AFF1: variants seen among roughly 807,000 people sequenced by gnomAD.
AFF1 encodes the protein AF4/FMR2 family member 1.
A neutral mutation model predicts 121.7 loss-of-function variants in AFF1; 48 were observed. That is an observed-to-expected ratio of 0.39 (90% CI 0.31 to 0.50). AFF1 has a LOEUF of 0.50. Ranked by LOEUF, AFF1 falls within the 20% of genes least tolerant of loss-of-function variation. The pLI is 0.76. For synonymous variants in AFF1, 613 were observed against 563.0 expected (o/e 1.09, Z -1.26); for missense variants, 1,523 against 1,511.7 (o/e 1.01, Z -0.12).
chr4:86,945,319 CTTTTTTTTTT>C (rs72025655), intron 1 of AFF1, among the ~76,000 whole-genome samples: 12 of 111,688 alleles, frequency 1.1e-4, no homozygotes, highest in Admixed American at 1.9e-4. Flanking sequence ...TTTTCTTTTC[CTTTTTTTTTT>C]TTTTTTTTTT....
chr4:87,055,329 G>A (rs1364477145), intron 4 of AFF1, among the ~76,000 whole-genome samples: 2 of 152,140 alleles, frequency 1.3e-5, no homozygotes, highest in East Asian at 3.8e-4. Flanking sequence ...TAGCCCAAGA[G>A]GAAAGCATAA....
intron 8 of AFF1, among the ~76,000 whole-genome samples, chr4:87,102,893 T>C (rs574659534): frequency 2.0e-5 from 3 of 152,330 alleles, no homozygotes; most frequent in East Asian, 1.9e-4. Context: ...CAACGACTGA[T>C]TCTTCACATA....
chr4:86,965,808 G>A (rs1288909624), intron 2 of AFF1, among the ~76,000 whole-genome samples: 5 of 152,024 alleles, frequency 3.3e-5, no homozygotes, highest in African/African-American at 9.7e-5. Context: ...TTGCACCCCT[G>A]TCCCTCACAC....
chr4:86,979,640 T>C (rs140909632), intron 2 of AFF1, among the ~76,000 whole-genome samples: 76 of 152,342 alleles, frequency 5.0e-4, no homozygotes, highest in Non-Finnish European at 1.0e-3. Context: ...GCTCCTTTAA[T>C]ATGAAAAGAT....
intron 17 of AFF1, 28 bp from the exon 18 acceptor site, chr4:87,131,765 C>T: frequency 1.3e-6 from 2 of 1,535,184 alleles, no homozygotes; most frequent in Non-Finnish European, 1.8e-6. Flanking sequence ...TTGTTTAAAA[C>T]CTGATGTACT....
chr4:86,941,390 G>T (rs988417619), intron 1 of AFF1, among the ~76,000 whole-genome samples: 2 of 151,982 alleles, frequency 1.3e-5, no homozygotes, highest in South Asian at 4.2e-4. Context: ...GGCCGCAGTG[G>T]GTCACGCCTG....
intron 2 of AFF1, among the ~76,000 whole-genome samples, chr4:87,026,676 A>G (rs1005094430): frequency 1.3e-5 from 2 of 152,208 alleles, no homozygotes; most frequent in African/African-American, 4.8e-5. Context: ...GTTCCTCAGC[A>G]TGTCTGCAGG....
rs538782702 is a variant in AFF1, at chr4:87,041,719, A to G, written c.39-4447A>G. On this transcript the variant is annotated intron_variant, in intron 2 of 20. Transcript: ENST00000395146. Reference sequence around the variant, plus strand: ...TGACAGTTAACTTATAGTTATTGAAAGGTGATTATTGACAGCTGGGCGTGG... The same window carrying G: ...TGACAGTTAACTTATAGTTATTGAAGGGTGATTATTGACAGCTGGGCGTGG... 3.9e-5 allele frequency among the ~76,000 whole-genome samples: 6 copies of G among 152,188 alleles called. No homozygotes were observed. In the South Asian group the frequency reaches 1.2e-3, roughly 32 times the overall value.
intron 2 of AFF1, among the ~76,000 whole-genome samples, chr4:86,969,904 A>G (rs1486651655): frequency 6.8e-6 from 1 of 146,732 alleles, no homozygotes; most frequent in East Asian, 2.0e-4. Flanking sequence ...AAAAGGTAAG[A>G]TAGTTTATAT....
chr4:86,967,641 AT>A (rs752610488), intron 2 of AFF1, among the ~76,000 whole-genome samples: 262 of 145,520 alleles, frequency 1.8e-3, no homozygotes, highest in Non-Finnish European at 1.5e-3. Context: ...GCTCTGGATG[AT>A]TTTTTTTTTT....
chr4:86,963,822 TCTCA>T lies in AFF1; in HGVS notation c.38+15255_38+15258del, dbSNP rs1487832904. Reference sequence around the variant, plus strand: ...TTTCTTTTTTTTTTTTGAGACAGTGTCTCACTCTGTTGTCCAGGCTGGAGTGCAG... The same window carrying T: ...TTTCTTTTTTTTTTTTGAGACAGTGTCTCTGTTGTCCAGGCTGGAGTGCAG... On this transcript the variant is annotated intron_variant, in intron 2 of 20. Coordinates refer to ENST00000395146, the MANE Select transcript of AFF1 (RefSeq NM_001166693.3). Among the ~76,000 whole-genome samples, 13 of 151,860 alleles carry T rather than the reference TCTCA, an allele frequency of 8.6e-5. No homozygotes were observed. The East Asian group carries it at 2.5e-3, about 29-fold the overall frequency.
At chr4:87,068,166 C>T (rs1158069509) in intron 4 of AFF1, among the ~76,000 whole-genome samples, 2 of 5,144 alleles carry the variant, frequency 3.9e-4, no homozygotes, top group Non-Finnish European at 7.1e-4. Context: ...TTTAAAATTC[C>T]CATTGCCAGT....
At chr4:86,979,904 A>G (rs1479070813) in intron 2 of AFF1, among the ~76,000 whole-genome samples, 1 of 152,128 alleles carries the variant, frequency 6.6e-6, no homozygotes, top group African/African-American at 2.4e-5. Context: ...CTAGAAATCT[A>G]TCTCCCTAGG....
chr4:87,077,772 A>G (rs1028136719), intron 4 of AFF1, among the ~76,000 whole-genome samples: 5 of 152,178 alleles, frequency 3.3e-5, no homozygotes, highest in African/African-American at 9.7e-5. Context: ...TAAACAATGT[A>G]TCTTGGAGAT....
chr4:87,010,855 G>A (rs1463637970), intron 2 of AFF1, among the ~76,000 whole-genome samples: 7 of 152,128 alleles, frequency 4.6e-5, no homozygotes, highest in Non-Finnish European at 8.8e-5. Flanking sequence ...TTGGGAGGCC[G>A]AGGCAGGCGG....
chr4:87,076,426 A>G (rs529192244), intron 4 of AFF1, among the ~76,000 whole-genome samples: 2 of 152,322 alleles, frequency 1.3e-5, no homozygotes, highest in African/African-American at 2.4e-5. Context: ...TTTTTGCTAC[A>G]TATTAGAGCT....
chr4:87,058,841 CTG>C (rs2149646029), intron 4 of AFF1, among the ~76,000 whole-genome samples: 1 of 152,302 alleles, frequency 6.6e-6, no homozygotes, highest in African/African-American at 2.4e-5. Flanking sequence ...GCAGCCTGCT[CTG>C]TGCCTTCACG....
chr4:87,132,200 T>C, intron 18 of AFF1, 71 bp from the exon 19 acceptor site: 2 of 1,559,582 alleles, frequency 1.3e-6, no homozygotes, highest in Non-Finnish European at 1.7e-6. Flanking sequence ...CATTAGGCTA[T>C]AAAAGGTTAG....
chr4:86,972,688 C>T (rs1723029581), intron 2 of AFF1, among the ~76,000 whole-genome samples: 1 of 152,028 alleles, frequency 6.6e-6, no homozygotes, highest in Non-Finnish European at 1.5e-5. Flanking sequence ...CAGGCGTGCA[C>T]CACTACACCC....
Sources: allele counts gnomAD v4.1 joint callset (sites outside exome capture counted in the v4.1 genomes callset), GRCh38; gene constraint gnomAD v4.1.1; transcripts MANE v1.5; gene names NCBI Gene and HGNC (gene_info 2026-07-23, HGNC 2026-07-21).